Variants in RBBP8 observed in about 807,000 individuals in gnomAD.
The protein encoded by RBBP8 is DNA endonuclease RBBP8.
A neutral mutation model predicts 108.3 loss-of-function variants in RBBP8; 88 were observed. The observed-to-expected ratio is 0.81, with a 90% CI of 0.68 to 0.97. The LOEUF is 0.97. Among genes scored for constraint, RBBP8 ranks in the 50% least tolerant of loss-of-function variants. The probability of loss-of-function intolerance (pLI) is 0.00; values close to 1 mark genes in which losing one functional copy is unlikely to be tolerated. For synonymous variants in RBBP8, 332 were observed against 348.2 expected (o/e 0.95, Z 0.52); for missense variants, 1,023 against 1,049.0 (o/e 0.98, Z 0.34).
chr18:22,916,444 C>A (rs528709398), intron 2 of RBBP8, among the ~76,000 whole-genome samples: 57 of 149,346 alleles, frequency 3.8e-4, no homozygotes, highest in African/African-American at 1.4e-3. Flanking sequence ...AGATCTGGGG[C>A]CAGAACATCC....
chr18:22,983,084 T>G (rs929309093), intron 7 of RBBP8, among the ~76,000 whole-genome samples: 2 of 152,264 alleles, frequency 1.3e-5, no homozygotes, highest in Admixed American at 6.5e-5. Context: ...GACATGTTTC[T>G]AATTCCAGCC....
intron 12 of RBBP8, among the ~76,000 whole-genome samples, chr18:22,995,293 A>G (rs1165818896): frequency 2.0e-5 from 3 of 151,762 alleles, no homozygotes; most frequent in Non-Finnish European, 2.9e-5. Flanking sequence ...TACAGTATCT[A>G]CCTACTTAGC....
intron 15 of RBBP8, among the ~76,000 whole-genome samples, chr18:23,005,021 G>C (rs2046016193): frequency 6.6e-6 from 1 of 152,076 alleles, no homozygotes; most frequent in Non-Finnish European, 1.5e-5. Flanking sequence ...CATTAGCCGG[G>C]TGTGGTGGCG....
At chr18:23,011,217 T>C (rs2046153674) in intron 16 of RBBP8, among the ~76,000 whole-genome samples, 1 of 152,214 alleles carries the variant, frequency 6.6e-6, no homozygotes, top group Non-Finnish European at 1.5e-5. Context: ...ATTTAAGGTA[T>C]ACTTTCTGTT....
intron 16 of RBBP8, among the ~76,000 whole-genome samples, chr18:23,009,253 T>C (rs1448637448): frequency 6.6e-6 from 1 of 152,076 alleles, no homozygotes; most frequent in African/African-American, 2.4e-5. Context: ...TATTCCACAA[T>C]ACACATAAAG....
chr18:22,989,296 G>T lies in RBBP8; in HGVS notation c.785G>T (p.Gly262Val). The T allele has an allele frequency of 6.2e-7, 1 of 1,607,230 alleles. No homozygotes were observed. The change falls in exon 9 of 19, where the codon GGA becomes GTA. Residue 262 changes from glycine to valine, a missense_variant. Physicochemically the swap from Gly to Val is moderately radical, Grantham distance 109. Coordinates refer to ENST00000327155, the MANE Select transcript of RBBP8 (RefSeq NM_002894.3). ...GCTACAGTTGTTGCTGAAACACTTG[G>T]ACTTGGTGTTCAAGAAGAATCTGTA... ...NLATVVAETL[G>V]LGVQEESETQ...
At chr18:23,013,031 T>G (rs931900149) in intron 16 of RBBP8, among the ~76,000 whole-genome samples, 1 of 152,100 alleles carries the variant, frequency 6.6e-6, no homozygotes, top group Non-Finnish European at 1.5e-5. Context: ...CACATCTGTT[T>G]ATGGCATGGT....
upstream of RBBP8, among the ~76,000 whole-genome samples, chr18:22,931,136 G>A (rs1323032794): frequency 6.6e-6 from 1 of 152,102 alleles, no homozygotes; most frequent in Non-Finnish European, 1.5e-5. Flanking sequence ...ACTGTAAGAT[G>A]GGGAGGTTAC....
chr18:22,992,031 T>A (rs376674647), intron 10 of RBBP8, among the ~76,000 whole-genome samples: 50 of 152,312 alleles, frequency 3.3e-4, no homozygotes, highest in African/African-American at 9.9e-4. Context: ...GAGCCAGAGA[T>A]CTTACCCAGC....
At chr18:22,971,641 CTTTTTTTTTTT>C (rs919907678) in intron 5 of RBBP8, among the ~76,000 whole-genome samples, 7 of 109,278 alleles carry the variant, frequency 6.4e-5, no homozygotes, top group South Asian at 3.2e-4. Context: ...TGTTTAATTT[CTTTTTTTTTTT>C]TTTTTTTTTT....
chr18:22,982,126 T>C (rs1914970536), intron 6 of RBBP8, 92 bp from the exon 7 acceptor site: 2 of 1,399,840 alleles, frequency 1.4e-6, no homozygotes, highest in Non-Finnish European at 2.0e-6. Context: ...CCTTAGAGCT[T>C]CATGTTTGTG....
chr18:23,017,040 C>A, intron 17 of RBBP8, 116 bp downstream of exon 17: 1 of 815,224 alleles, frequency 1.2e-6, no homozygotes, highest in Non-Finnish European at 2.0e-6. Context: ...CTTATTTGAG[C>A]CAGGCGTAAC....
intron 7 of RBBP8, among the ~76,000 whole-genome samples, chr18:22,983,170 A>G (rs1186165095): frequency 6.6e-6 from 1 of 152,232 alleles, no homozygotes; most frequent in Non-Finnish European, 1.5e-5. Context: ...GCCATGATAC[A>G]AGTATTACTT....
Position 22,993,384 on chromosome 18 carries a change from G to T in RBBP8, c.1557G>T (p.Val519=). 6.2e-7 allele frequency: 1 copy of T among 1,614,212 alleles called. No homozygotes were observed. Among genetic ancestry groups the T allele is most frequent in the South Asian group, 1.1e-5 (1 of 91,076 alleles). The change falls in exon 11 of 19, where the codon GTG becomes GTT. Residue 519 remains valine (V), a synonymous_variant. Coordinates refer to ENST00000327155, the MANE Select transcript of RBBP8 (RefSeq NM_002894.3). ...SETSKNKFRQ[V]TLYEALKTIP... ...CTTCTAAAAACAAATTTAGGCAAGT[G>T]ACTCTTTATGAGGCTTTGAAGACCA...
chr18:22,961,755 AC>A (rs1375512318), intron 4 of RBBP8, among the ~76,000 whole-genome samples: 1 of 152,136 alleles, frequency 6.6e-6, no homozygotes, highest in Non-Finnish European at 1.5e-5. Context: ...AAGATTGGAC[AC>A]CCCGTTCTAA....
chr18:22,992,670 TA>T, intron 10 of RBBP8, 77 bp from the exon 11 acceptor site: 1 of 1,309,966 alleles, frequency 7.6e-7, no homozygotes, highest in South Asian at 1.3e-5. Flanking sequence ...AAATTTTGGT[TA>T]ATCATTTGCT....
intron 6 of RBBP8, among the ~76,000 whole-genome samples, chr18:22,975,917 A>C (rs895392719): frequency 3.3e-5 from 5 of 152,116 alleles, no homozygotes; most frequent in African/African-American, 1.2e-4. Flanking sequence ...TCTAGATATG[A>C]TCTGACTAAT....
At chr18:22,976,866 GT>G (rs970630859) in intron 6 of RBBP8, among the ~76,000 whole-genome samples, 1 of 152,074 alleles carries the variant, frequency 6.6e-6, no homozygotes, top group African/African-American at 2.4e-5. Context: ...TATAAGTTAG[GT>G]TGAAACTATA....
intron 4 of RBBP8, chr18:22,949,948 G>A: frequency 2.3e-6 from 1 of 439,570 alleles, no homozygotes. Context: ...TGATGTAGTG[G>A]AAGCTCAAGG....
Sources: allele counts gnomAD v4.1 joint callset (sites outside exome capture counted in the v4.1 genomes callset), GRCh38; gene constraint gnomAD v4.1.1; transcripts MANE v1.5; gene names NCBI Gene and HGNC (gene_info 2026-07-23, HGNC 2026-07-21).